Variants in RBM34 observed in about 807,000 individuals in gnomAD.
The protein encoded by RBM34 is RNA binding motif protein 34.
RBM34 carries 39 observed loss-of-function variants against 44.6 expected under a neutral mutation model. The observed-to-expected ratio is 0.87, with a 90% CI of 0.68 to 1.14. The LOEUF is 1.14. Among genes scored for constraint, RBM34 ranks in the 50% most tolerant of loss-of-function variants. RBM34 has a pLI of 0.00. For missense variants in RBM34, 572 were observed against 517.9 expected (o/e 1.10, Z -1.01); for synonymous variants, 194 against 184.0 (o/e 1.05, Z -0.44).
intron 10 of RBM34, among the ~76,000 whole-genome samples, chr1:235,134,245 A>G (rs1661321946): frequency 6.6e-6 from 1 of 151,980 alleles, no homozygotes; most frequent in African/African-American, 2.4e-5. Flanking sequence ...GCTAGTCTTG[A>G]ACTCCTGGGC....
At chr1:235,142,765 T>C (rs964749779) in intron 6 of RBM34, among the ~76,000 whole-genome samples, 1 of 150,744 alleles carries the variant, frequency 6.6e-6, no homozygotes, top group South Asian at 2.1e-4. Flanking sequence ...CCGTCTCTAC[T>C]AAAAATACAA....
intron 3 of RBM34, among the ~76,000 whole-genome samples, chr1:235,155,610 T>TTC: frequency 6.7e-6 from 1 of 149,212 alleles, no homozygotes; most frequent in Non-Finnish European, 1.5e-5. Flanking sequence ...GTTCAAGCGA[T>TTC]TTTCCTGCCA....
chr1:235,142,065 C>A (rs947476884), intron 6 of RBM34, among the ~76,000 whole-genome samples: 3 of 152,052 alleles, frequency 2.0e-5, no homozygotes, highest in African/African-American at 7.2e-5. Context: ...CCCCTACAGC[C>A]GGAGGAAGGG....
chr1:235,160,624 C>A lies in RBM34; in HGVS notation c.252G>T (p.Arg84=). The part of the protein sequence containing the change: ...VPKQTIKKTK[R]NEEEESTSQI... ...GGGATGTACTTTCTTCCTCCTCATTCCGTTTCGTTTTTTTGATGGTTTGCT... is the reference window on the plus strand; with the variant it reads ...GGGATGTACTTTCTTCCTCCTCATTACGTTTCGTTTTTTTGATGGTTTGCT... Residue 84 remains arginine, a synonymous_variant, in exon 3 of 11, where the codon CGG becomes CGT. Transcript: ENST00000408888. 6.2e-7 allele frequency: 1 copy of A among 1,611,632 alleles called. No homozygotes were observed. Among genetic ancestry groups the A allele is most frequent in the Non-Finnish European group, 8.5e-7 (1 of 1,179,438 alleles).
intron 3 of RBM34, among the ~76,000 whole-genome samples, chr1:235,155,862 T>TATATATATATATACATAC (rs1322918501): frequency 2.5e-5 from 1 of 40,004 alleles, no homozygotes; most frequent in Non-Finnish European, 4.2e-5. Context: ...TATATATATA[T>TATATATATATATACATAC]ATATACATAT....
chr1:235,154,074 G>A (rs188629839), intron 4 of RBM34, among the ~76,000 whole-genome samples: 92 of 151,996 alleles, frequency 6.1e-4, no homozygotes, highest in African/African-American at 1.8e-3. Flanking sequence ...GTGAAACCCC[G>A]TCTCTACTAA....
At position 235,131,440 on chromosome 1, in the gene RBM34, A is replaced by G. The variant is rs1254621591; in HGVS notation, c.*273T>C. 3.7e-6 allele frequency: 1 copy of G among 270,470 alleles called. No homozygotes were observed. The highest frequency in any genetic ancestry group is 7.0e-5 in the East Asian group (1 of 14,228). The allele number at this position is 270,470 out of a possible 1,614,324, so 16.8% of individuals were successfully genotyped here. On this transcript the variant is annotated 3_prime_UTR_variant, in exon 11 of 11. Transcript: ENST00000408888. Reference sequence around the variant, plus strand: ...GGAGAAGCGCTTGAACCCAGAAGGCAGAGGTTGCAGTGAGCCAAGATCACG... The same window carrying G: ...GGAGAAGCGCTTGAACCCAGAAGGCGGAGGTTGCAGTGAGCCAAGATCACG...
Position 235,160,927 on chromosome 1 carries a change from G to A in RBM34, c.194C>T (p.Pro65Leu). Reference protein sequence around the residue: ...RLASLFSSLEPQIQPVYVPVP... With the variant: ...RLASLFSSLELQIQPVYVPVP... ...AGGCACGTACACGGGTTGAATCTGG[G>A]GCTCCAGAGAACTGAAGAGGGACGC... The change falls in exon 2 of 11, where the codon CCC becomes CTC. Residue 65 changes from proline to leucine, a missense_variant. By Grantham distance (98) the Pro-to-Leu change is moderately conservative. Transcript: ENST00000408888. 1 of 1,614,128 alleles carries A rather than the reference G, an allele frequency of 6.2e-7. No homozygotes were observed. Among genetic ancestry groups the A allele is most frequent in the Non-Finnish European group, 8.5e-7 (1 of 1,180,030 alleles).
chr1:235,134,457 G>C (rs758184670), intron 10 of RBM34, among the ~76,000 whole-genome samples: 1 of 152,040 alleles, frequency 6.6e-6, no homozygotes, highest in South Asian at 2.1e-4. Context: ...CAACATGCCC[G>C]GCCTGTATAT....
At chr1:235,159,220 A>G (rs1405380332) in intron 3 of RBM34, among the ~76,000 whole-genome samples, 5 of 151,786 alleles carry the variant, frequency 3.3e-5, no homozygotes, top group Admixed American at 3.3e-4. Context: ...CTCAAAAAAA[A>G]AAAAAAAAAG....
In RBM34 at chr1:235,160,571, G is replaced by T; in HGVS notation, c.305C>A (p.Pro102His). Residue 102 changes from proline (P) to histidine (H), a missense_variant, in exon 3 of 11, where the codon CCT becomes CAT. Transcript: ENST00000408888. ...SQIERPLSQEPAKKVKAKKKH... is the reference protein window; with the variant it reads ...SQIERPLSQEHAKKVKAKKKH... Reference sequence around the variant, plus strand: ...CTTCTTCGCTTTCACTTTTTTGGCAGGTTCTTGCGAAAGTGGTCTTTCAAT... The same window carrying T: ...CTTCTTCGCTTTCACTTTTTTGGCATGTTCTTGCGAAAGTGGTCTTTCAAT... The T allele has an allele frequency of 1.2e-6, 2 of 1,613,896 alleles. No homozygotes were observed. Among genetic ancestry groups the T allele is most frequent in the Non-Finnish European group, 1.7e-6 (2 of 1,179,964 alleles).
intron 3 of RBM34, among the ~76,000 whole-genome samples, chr1:235,155,836 T>TAC (rs1662396662): frequency 1.3e-4 from 3 of 22,906 alleles, no homozygotes; most frequent in Non-Finnish European, 2.2e-4. Context: ...TATATATATA[T>TAC]ATATATATAT....
intron 8 of RBM34, among the ~76,000 whole-genome samples, chr1:235,136,721 A>G (rs1467648799): frequency 1.3e-5 from 2 of 152,072 alleles, no homozygotes. Flanking sequence ...TGGTCATGTC[A>G]CTCTTAGTTT....
At chr1:235,136,163 A>C in intron 8 of RBM34, 90 bp from the exon 9 acceptor site, 2 of 1,027,042 alleles carry the variant, frequency 1.9e-6, no homozygotes, top group Non-Finnish European at 2.9e-6. Flanking sequence ...TTCCCCCCAT[A>C]TCTGACAGGT....
In RBM34 at chr1:235,160,879, G is replaced by T; in HGVS notation, c.228+14C>A. 1 of 1,612,698 alleles carries T rather than the reference G, an allele frequency of 6.2e-7. No homozygotes were observed. Among genetic ancestry groups the T allele is most frequent in the Non-Finnish European group, 8.5e-7 (1 of 1,179,174 alleles). On this transcript the variant is annotated intron_variant, in intron 2 of 10. Transcript: ENST00000408888. ...TTCTAACGAGCTATTCGGGAAGAAA[G>T]CCCAGTGACTTACTTTAGGCACAGG...
At position 235,131,993 on chromosome 1, in the gene RBM34, G is replaced by A; in HGVS notation, c.1013C>T (p.Thr338Ile). The A allele has an allele frequency of 6.3e-7, 1 of 1,583,644 alleles. No homozygotes were observed. The highest frequency in any genetic ancestry group is 8.6e-7 in the Non-Finnish European group (1 of 1,165,982). The change falls in exon 11 of 11, where the codon ACA (threonine) becomes ATA (isoleucine). Residue 338 changes from threonine (T) to isoleucine (I), a missense_variant. Transcript: ENST00000408888. Reference sequence around the variant, plus strand: ...TTTCAGAGCAAGATGAACAGAATCTGTATTCTGCAAAAGAAAACACAATAC... The same window carrying A: ...TTTCAGAGCAAGATGAACAGAATCTATATTCTGCAAAAGAAAACACAATAC... ...KGFGYVLFENTDSVHLALKLN... is the reference protein window; with the variant it reads ...KGFGYVLFENIDSVHLALKLN...
At position 235,152,723 on chromosome 1, in the gene RBM34, CAG is replaced by C; in HGVS notation, c.638_639del (p.Ser213CysfsTer23). On this transcript the variant is annotated frameshift_variant, in exon 5 of 11. Transcript: ENST00000408888. LOFTEE classifies it high-confidence loss of function. The stretch of plus-strand genomic sequence containing the variant: ...AAACATACCAGAGAACGAAATCGTA[CAG>C]ATTCTATTTGTCCATACTCTTTAAA... ...SFFKEYGQIE[S>X]VRFRSLIPAE... is the part of the protein sequence containing the mutation. 1 of 1,599,884 alleles carries C rather than the reference CAG, an allele frequency of 6.3e-7. No individual in the cohort carries two copies. The highest frequency in any genetic ancestry group is 1.1e-5 in the South Asian group (1 of 88,124).
intron 3 of RBM34, among the ~76,000 whole-genome samples, chr1:235,156,989 A>G (rs148489790): frequency 6.6e-6 from 1 of 152,364 alleles, no homozygotes; most frequent in East Asian, 1.9e-4. Flanking sequence ...GACAGGGTCC[A>G]TGTCTAGTGT....
intron 10 of RBM34, among the ~76,000 whole-genome samples, chr1:235,135,186 A>G (rs1661368626): frequency 7.0e-6 from 1 of 142,532 alleles, no homozygotes; most frequent in African/African-American, 2.7e-5. Context: ...CTGGGATTAC[A>G]GGTATGAGCC....
Sources: allele counts gnomAD v4.1 joint callset (sites outside exome capture counted in the v4.1 genomes callset), GRCh38; gene constraint gnomAD v4.1.1; transcripts MANE v1.5; gene names NCBI Gene and HGNC (gene_info 2026-07-23, HGNC 2026-07-21).